The following EFCAB6 variants were observed in gnomAD, a reference collection of about 807,000 sequenced individuals.
EFCAB6 encodes EF-hand calcium-binding domain-containing protein 6.
Under a neutral mutation model 169.8 loss-of-function variants are expected in EFCAB6, and 156 were observed. That is an observed-to-expected ratio of 0.92 (90% CI 0.81 to 1.05). The LOEUF (loss-of-function observed/expected upper bound fraction) is 1.05. EFCAB6 is among the 50% of genes least tolerant of loss of function. The pLI is 0.00. For missense variants in EFCAB6, 1,800 were observed against 1,829.1 expected, an observed-to-expected ratio of 0.98 and a Z score of 0.29; for synonymous variants, 698 against 676.4, an observed-to-expected ratio of 1.03 and a Z score of -0.50.
intron 10 of EFCAB6, among the ~76,000 whole-genome samples, chr22:43,700,330 C>A (rs1183199309): frequency 6.6e-6 from 1 of 152,076 alleles, no homozygotes; most frequent in Non-Finnish European, 1.5e-5. Flanking sequence ...TTTGTACTAT[C>A]CATTATTAAA....
intron 8 of EFCAB6, among the ~76,000 whole-genome samples, chr22:43,727,012 T>C (rs1011017037): frequency 1.3e-5 from 2 of 152,228 alleles, no homozygotes; most frequent in East Asian, 1.9e-4. Context: ...TGATTCACAT[T>C]CAAGAAGAAA....
At chr22:43,782,717 G>A (rs891196436) in intron 2 of EFCAB6, among the ~76,000 whole-genome samples, 2 of 152,148 alleles carry the variant, frequency 1.3e-5, no homozygotes, top group African/African-American at 4.8e-5. Context: ...TGACAGGAGC[G>A]AAACTGGTGG....
chr22:43,721,248 A>C (rs2059513445), intron 8 of EFCAB6, among the ~76,000 whole-genome samples: 1 of 152,238 alleles, frequency 6.6e-6, no homozygotes, highest in Non-Finnish European at 1.5e-5. Context: ...AGTGGAAAAA[A>C]TATTCTATGC....
chr22:43,634,707 T>G (rs137730), intron 18 of EFCAB6, among the ~76,000 whole-genome samples: 150,217 of 150,218 alleles, frequency 1, 75,108 homozygotes, highest in Non-Finnish European at 1. Flanking sequence ...TGGCCTTTTA[T>G]AATCTCTGCA....
At chr22:43,785,552 TA>T (rs1410386926) in intron 2 of EFCAB6, among the ~76,000 whole-genome samples, 1 of 139,772 alleles carries the variant, frequency 7.2e-6, no homozygotes, top group East Asian at 3.2e-4. Context: ...GCCTATATTT[TA>T]AAAAGAAGAA....
At chr22:43,659,215 C>T (rs137757) in intron 17 of EFCAB6, among the ~76,000 whole-genome samples, 19,681 of 152,202 alleles carry the variant, frequency 0.13, 1,322 homozygotes, top group African/African-American at 0.15. Context: ...TATTCTCTTA[C>T]TTTTGTGTTT....
intron 8 of EFCAB6, among the ~76,000 whole-genome samples, chr22:43,718,504 C>T (rs1987533): frequency 0.24 from 35,845 of 152,148 alleles, 5,515 homozygotes; most frequent in East Asian, 0.61. Flanking sequence ...TGGTCATGGC[C>T]AGGCACAGTG....
At chr22:43,726,433 A>C (rs141870501) in intron 8 of EFCAB6, among the ~76,000 whole-genome samples, 1 of 152,300 alleles carries the variant, frequency 6.6e-6, no homozygotes, top group East Asian at 1.9e-4. Flanking sequence ...ATAAACAGAA[A>C]ACTATCTGGA....
Position 43,632,042 on chromosome 22 carries a change from G to A in EFCAB6, c.2232+63C>T, listed in dbSNP as rs2054983951. On this transcript the variant is annotated intron_variant, in intron 19 of 31. Coordinates refer to ENST00000262726, the MANE Select transcript of EFCAB6 (RefSeq NM_022785.4). ...CCTACACCAGGACTCACACCCACTT[G>A]GGCTGCGTGGTTGGGAGCAGGGGAG... 11 of 1,587,594 alleles carry A rather than the reference G, an allele frequency of 6.9e-6. No homozygotes were observed. The South Asian group carries it at 1.3e-4, about 18-fold the overall frequency.
At chr22:43,805,623 C>T (rs762770783) in intron 2 of EFCAB6, among the ~76,000 whole-genome samples, 11 of 152,094 alleles carry the variant, frequency 7.2e-5, no homozygotes, top group Admixed American at 3.9e-4. Context: ...AGAAATAACA[C>T]CTAGTGTTAG....
intron 10 of EFCAB6, among the ~76,000 whole-genome samples, chr22:43,694,762 G>A (rs2058514745): frequency 6.6e-6 from 1 of 151,940 alleles, no homozygotes. Context: ...CAACATACTT[G>A]ATAAACACTT....
intron 17 of EFCAB6, among the ~76,000 whole-genome samples, chr22:43,642,607 A>T (rs2055875996): frequency 6.6e-6 from 1 of 152,232 alleles, no homozygotes; most frequent in Non-Finnish European, 1.5e-5. Context: ...GGAGAAGAGT[A>T]CTATGGCTAG....
Position 43,683,557 on chromosome 22 carries a change from G to C in EFCAB6, c.1251+190C>G, listed in dbSNP as rs377178301. ...TTTCCATCGTCCGTCTTCCCAACTA[G>C]ACTCAACCCTTGAGCTCGGGGCTTC... On this transcript the variant is annotated intron_variant, in intron 12 of 31. Coordinates refer to ENST00000262726, the MANE Select transcript of EFCAB6 (RefSeq NM_022785.4). The C allele has an allele frequency of 5.4e-5, 31 of 572,726 alleles. 3 individuals carry two copies. The highest frequency in any genetic ancestry group is 1.3e-4 in the African/African-American group (7 of 53,632). 35.5% of individuals were successfully genotyped at this position (572,726 alleles called of 1,614,324 possible).
intron 17 of EFCAB6, among the ~76,000 whole-genome samples, chr22:43,644,862 A>G (rs1370727908): frequency 1.3e-5 from 2 of 152,250 alleles, no homozygotes; most frequent in East Asian, 3.8e-4. Context: ...CCAGTTCTGC[A>G]AGTGACTGTG....
chr22:43,612,172 A>C (rs1178695236), intron 21 of EFCAB6, among the ~76,000 whole-genome samples: 2 of 152,206 alleles, frequency 1.3e-5, no homozygotes, highest in African/African-American at 2.4e-5. Flanking sequence ...AACAGAAAAT[A>C]AACTCAAGAT....
At chr22:43,550,975 A>G (rs1011033327) in intron 27 of EFCAB6, among the ~76,000 whole-genome samples, 12 of 152,126 alleles carry the variant, frequency 7.9e-5, no homozygotes, top group Admixed American at 2.6e-4. Flanking sequence ...CACTTCCCTC[A>G]CTTACAGAGC....
intron 10 of EFCAB6, among the ~76,000 whole-genome samples, chr22:43,707,590 C>T (rs1488718713): frequency 1.3e-5 from 2 of 152,128 alleles, no homozygotes; most frequent in African/African-American, 4.8e-5. Flanking sequence ...GCCAGAAGAC[C>T]GTGAAGAGTA....
At chr22:43,539,282 C>T (rs2047555596) in intron 28 of EFCAB6, among the ~76,000 whole-genome samples, 1 of 152,230 alleles carries the variant, frequency 6.6e-6, no homozygotes, top group African/African-American at 2.4e-5. Flanking sequence ...CCCCTCTTCC[C>T]TCTGCTCTAC....
At chr22:43,636,609 C>CT (rs907909699) in intron 17 of EFCAB6, among the ~76,000 whole-genome samples, 6,270 of 126,268 alleles carry the variant, frequency 0.05, 296 homozygotes, top group African/African-American at 0.1. Flanking sequence ...CAGTTCTTTT[C>CT]TTTTTTTTTT....
Sources: allele counts gnomAD v4.1 joint callset (sites outside exome capture counted in the v4.1 genomes callset), GRCh38; gene constraint gnomAD v4.1.1; transcripts MANE v1.5; gene names NCBI Gene and HGNC (gene_info 2026-07-23, HGNC 2026-07-21).